The following PRKCA variants were observed in gnomAD, a reference collection of about 807,000 sequenced individuals.
The protein encoded by PRKCA is protein kinase C alpha, also known as protein kinase C alpha type.
Under a neutral mutation model 87.0 loss-of-function variants are expected in PRKCA, and 27 were observed. The ratio of observed to expected loss-of-function variants is 0.31; its 90% CI spans 0.23 to 0.43. The LOEUF (loss-of-function observed/expected upper bound fraction) is 0.43, where lower values mean the gene tolerates loss of function less well. Among genes scored for constraint, PRKCA ranks in the 20% least tolerant of loss-of-function variants. PRKCA has a pLI of 1.00. For missense variants in PRKCA, 518 were observed against 852.3 expected (o/e 0.61, Z 4.88); for synonymous variants, 329 against 311.1 (o/e 1.06, Z -0.61).
At chr17:66,411,603 A>G (rs1193120735) in intron 2 of PRKCA, among the ~76,000 whole-genome samples, 1 of 152,138 alleles carries the variant, frequency 6.6e-6, no homozygotes, top group Non-Finnish European at 1.5e-5. Flanking sequence ...TCATGGTAGT[A>G]CTTAGATGCT....
intron 3 of PRKCA, 85 bp from the exon 4 acceptor site, chr17:66,641,270 G>T: frequency 1.2e-6 from 1 of 843,998 alleles, no homozygotes; most frequent in Non-Finnish European, 1.9e-6. Flanking sequence ...TTGGGGCTGG[G>T]GAGTGGTGGG....
intron 13 of PRKCA, among the ~76,000 whole-genome samples, chr17:66,755,435 G>A (rs573402751): frequency 2.0e-5 from 3 of 152,262 alleles, no homozygotes; most frequent in South Asian, 4.1e-4. Context: ...GCCACTTCAC[G>A]CTCCTGGCTT....
At chr17:66,641,278 G>T (rs1971290099) in intron 3 of PRKCA, 77 bp from the exon 4 acceptor site, 1 of 964,406 alleles carries the variant, frequency 1.0e-6, no homozygotes, top group Non-Finnish European at 1.6e-6. Context: ...GGGGAGTGGT[G>T]GGGCCTGAGC....
intron 2 of PRKCA, among the ~76,000 whole-genome samples, chr17:66,464,306 T>G (rs1457372586): frequency 6.6e-6 from 1 of 152,182 alleles, no homozygotes; most frequent in African/African-American, 2.4e-5. Context: ...CTTTCAAGTT[T>G]GGGGCAATTA....
rs773919783 is a variant in PRKCA at position 66,404,742 on chromosome 17, CTTTTTTTTTTTT to C, written c.206-91443_206-91432del. ...CTGGCTGCTGGAAAGGATGGTAGGCCTTTTTTTTTTTTTTTTTTTTTTTTTTTGAGACAGCGT... is the reference window on the plus strand; with the variant it reads ...CTGGCTGCTGGAAAGGATGGTAGGCCTTTTTTTTTTTTTTTGAGACAGCGT... On this transcript the variant is annotated intron_variant, in intron 2 of 16. Transcript: ENST00000413366. Among the ~76,000 whole-genome samples the C allele has an allele frequency of 7.9e-3, 430 of 54,244 alleles. 5 individuals carry two copies. Among genetic ancestry groups the C allele is most frequent in the Admixed American group, 0.021 (67 of 3,260 alleles). The allele number at this position is 54,244 out of a possible 152,430, so 35.6% of individuals were successfully genotyped here.
chr17:66,798,453 CGGTGGT>C (rs1165425981), intron 16 of PRKCA, among the ~76,000 whole-genome samples: 233 of 8,700 alleles, frequency 0.027, 7 homozygotes, highest in Non-Finnish European at 0.031. Context: ...GTGGTGGTGA[CGGTGGT>C]GGTGGTGGTG....
intron 13 of PRKCA, among the ~76,000 whole-genome samples, chr17:66,766,023 C>A (rs72838621): frequency 5.9e-5 from 9 of 152,298 alleles, no homozygotes; most frequent in Admixed American, 2.6e-4. Context: ...AGATTCTAAA[C>A]CCCATCCTAT....
At chr17:66,484,574 A>G (rs911612273) in intron 2 of PRKCA, among the ~76,000 whole-genome samples, 1 of 152,182 alleles carries the variant, frequency 6.6e-6, no homozygotes, top group Non-Finnish European at 1.5e-5. Context: ...ATAATTTCCC[A>G]ATGTTCTTCA....
chr17:66,332,849 G>C (rs529383129), intron 2 of PRKCA, among the ~76,000 whole-genome samples: 63 of 152,042 alleles, frequency 4.1e-4, no homozygotes, highest in African/African-American at 1.5e-3. Flanking sequence ...CCGCCACCAC[G>C]CCTGGCTAAT....
chr17:66,567,986 AG>A (rs776451843), intron 3 of PRKCA, among the ~76,000 whole-genome samples: 13 of 152,182 alleles, frequency 8.5e-5, no homozygotes, highest in Non-Finnish European at 1.5e-4. Flanking sequence ...CTAAGTGTAA[AG>A]GAAAATGTTA....
At chr17:66,617,806 T>G (rs961803558) in intron 3 of PRKCA, among the ~76,000 whole-genome samples, 4 of 152,100 alleles carry the variant, frequency 2.6e-5, no homozygotes, top group Non-Finnish European at 2.9e-5. Flanking sequence ...TCTAGTAGAG[T>G]AGGAACTACG....
At chr17:66,536,069 G>A (rs746119061) in intron 3 of PRKCA, among the ~76,000 whole-genome samples, 40 of 151,988 alleles carry the variant, frequency 2.6e-4, no homozygotes, top group Non-Finnish European at 4.7e-4. Flanking sequence ...TTCTTACCTG[G>A]TTTTGGACTA....
intron 2 of PRKCA, among the ~76,000 whole-genome samples, chr17:66,338,106 TCCTAAGGCA>T (rs1906818775): frequency 6.6e-6 from 1 of 151,954 alleles, no homozygotes; most frequent in African/African-American, 2.4e-5. Flanking sequence ...CTGAATGATT[TCCTAAGGCA>T]TTTTGAAAAT....
chr17:66,489,388 T>C (rs1598714622), intron 2 of PRKCA, among the ~76,000 whole-genome samples: 1 of 119,602 alleles, frequency 8.4e-6, no homozygotes, highest in Non-Finnish European at 1.8e-5. Flanking sequence ...TATATATATA[T>C]ATATATATTT....
chr17:66,303,857 G>C (rs1904652023), intron 1 of PRKCA, among the ~76,000 whole-genome samples: 1 of 151,964 alleles, frequency 6.6e-6, no homozygotes, highest in Admixed American at 6.6e-5. Context: ...AAAATTAGCC[G>C]GGCGTGGTGG....
At chr17:66,347,464 G>A (rs1323529399) in intron 2 of PRKCA, among the ~76,000 whole-genome samples, 1 of 152,170 alleles carries the variant, frequency 6.6e-6, no homozygotes, top group African/African-American at 2.4e-5. Flanking sequence ...GTTTCTCAAA[G>A]GTTGGTTGCA....
chr17:66,630,697 TG>T (rs1320469975), intron 3 of PRKCA, among the ~76,000 whole-genome samples: 4 of 152,210 alleles, frequency 2.6e-5, no homozygotes, highest in Admixed American at 2.0e-4. Flanking sequence ...TGAGGTTGTT[TG>T]GTACTGCTTT....
chr17:66,452,275 G>A (rs1476079911), intron 2 of PRKCA, among the ~76,000 whole-genome samples: 2 of 152,166 alleles, frequency 1.3e-5, no homozygotes, highest in Admixed American at 6.5e-5. Flanking sequence ...AGCCAATGTA[G>A]CGTTTGCTAA....
intron 2 of PRKCA, among the ~76,000 whole-genome samples, chr17:66,378,765 G>A (rs1259166663): frequency 6.6e-6 from 1 of 152,046 alleles, no homozygotes; most frequent in East Asian, 1.9e-4. Context: ...GCCTGGCGTG[G>A]TGGCACATGG....
Sources: gnomAD v4.1 joint callset for allele counts (sites outside exome capture counted in the v4.1 genomes callset) on GRCh38, gnomAD v4.1.1 for gene constraint, MANE v1.5 for transcripts, NCBI Gene and HGNC (gene_info 2026-07-23, HGNC 2026-07-21) for gene names.